Variants in ANKRD11 observed in about 807,000 individuals in gnomAD.
ANKRD11 encodes the protein ankyrin repeat domain 11, also known as ankyrin repeat domain-containing protein 11.
Under a neutral mutation model 195.7 loss-of-function variants are expected in ANKRD11, and 17 were observed. That is an observed-to-expected ratio of 0.09 (90% CI 0.06 to 0.13). ANKRD11 has a LOEUF of 0.13. ANKRD11 is among the 10% of genes least tolerant of loss of function. The pLI, the probability that ANKRD11 is intolerant of heterozygous loss-of-function variation, is 1.00. For missense variants in ANKRD11, 3,735 were observed against 3,566.1 expected (o/e 1.05, Z -1.21); for synonymous variants, 1,953 against 1,528.1 (o/e 1.28, Z -6.49).
intron 2 of ANKRD11, among the ~76,000 whole-genome samples, chr16:89,352,652 T>C (rs1187350751): frequency 1.3e-5 from 2 of 152,306 alleles, no homozygotes; most frequent in Non-Finnish European, 1.5e-5. Context: ...GCTCCACTCA[T>C]CAGCACCAAA....
chr16:89,273,695 CA>C (rs370480077), intron 11 of ANKRD11, among the ~76,000 whole-genome samples: 7,259 of 133,224 alleles, frequency 0.054, 570 homozygotes, highest in African/African-American at 0.18. Flanking sequence ...GACTCCGTCA[CA>C]AAAAAAAAAA....
chr16:89,474,838 C>G (rs2057204234), intron 1 of ANKRD11, among the ~76,000 whole-genome samples: 1 of 152,214 alleles, frequency 6.6e-6, no homozygotes, highest in Admixed American at 6.5e-5. Context: ...CATAACATCC[C>G]AAAACTTACA....
At chr16:89,384,874 G>GTTTTTTTT (rs1257714722) in intron 2 of ANKRD11, among the ~76,000 whole-genome samples, 8 of 72,758 alleles carry the variant, frequency 1.1e-4, no homozygotes, top group African/African-American at 4.5e-4. Context: ...ATGAGAAATA[G>GTTTTTTTT]TTTTCTTTTT....
At chr16:89,273,729 G>A (rs1169016000) in intron 11 of ANKRD11, among the ~76,000 whole-genome samples, 1 of 152,062 alleles carries the variant, frequency 6.6e-6, no homozygotes, top group East Asian at 1.9e-4. Flanking sequence ...TTGTCATTGT[G>A]TATATGAGAG....
chr16:89,297,303 G>A (rs2035503216), intron 4 of ANKRD11, among the ~76,000 whole-genome samples: 1 of 152,184 alleles, frequency 6.6e-6, no homozygotes, highest in Admixed American at 6.5e-5. Context: ...ATACATTCTT[G>A]ATTCTGCTCC....
At chr16:89,378,538 G>A (rs1347268133) in intron 2 of ANKRD11, among the ~76,000 whole-genome samples, 3 of 152,152 alleles carry the variant, frequency 2.0e-5, no homozygotes, top group African/African-American at 7.2e-5. Context: ...CTAAATGTAC[G>A]TGCTATAAGG....
At chr16:89,464,963 C>A (rs1438156212) in intron 1 of ANKRD11, among the ~76,000 whole-genome samples, 1 of 152,148 alleles carries the variant, frequency 6.6e-6, no homozygotes, top group Non-Finnish European at 1.5e-5. Flanking sequence ...GGCCCAATGT[C>A]TTTTTTAGAC....
chr16:89,345,749 C>G (rs2038909883), intron 2 of ANKRD11, among the ~76,000 whole-genome samples: 3 of 152,138 alleles, frequency 2.0e-5, no homozygotes, highest in African/African-American at 7.2e-5. Flanking sequence ...AAATACACAC[C>G]AGGTGCATGC....
Position 89,279,759 on chromosome 16 carries a change from T to G in ANKRD11, c.6783A>C (p.Glu2261Asp), listed in dbSNP as rs762034600. The G allele has an allele frequency of 6.6e-7, 1 of 1,523,640 alleles. No individual in the cohort carries two copies. Among genetic ancestry groups the G allele is most frequent in the Non-Finnish European group, 8.8e-7 (1 of 1,138,664 alleles). 94.4% of individuals were successfully genotyped at this position (1,523,640 alleles called of 1,614,324 possible). Residue 2261 changes from glutamate (E) to aspartate (D), a missense_variant, in exon 9 of 13, where the codon GAA becomes GAC. Physicochemically the swap from Glu to Asp is conservative, Grantham distance 45 (BLOSUM62 2). Coordinates refer to ENST00000301030, the MANE Select transcript of ANKRD11 (RefSeq NM_013275.6). The surrounding 1 kb of genome is among the most constrained non-coding windows in gnomAD (Gnocchi z 5.6). ...LGSGDQGAEA[E>D]GPPAASLCAP... ...CACAGAGGGACGCGGCGGGGGGGCCTTCAGCCTCAGCCCCCTGGTCTCCGC... is the reference window on the plus strand; with the variant it reads ...CACAGAGGGACGCGGCGGGGGGGCCGTCAGCCTCAGCCCCCTGGTCTCCGC...
intron 1 of ANKRD11, among the ~76,000 whole-genome samples, chr16:89,442,234 T>C (rs2043543979): frequency 6.6e-6 from 1 of 152,220 alleles, no homozygotes; most frequent in Non-Finnish European, 1.5e-5. Context: ...TTGGAGAACA[T>C]GCCAGGTCAT....
chr16:89,275,916 C>T (rs1033073791), intron 9 of ANKRD11, among the ~76,000 whole-genome samples: 4 of 152,172 alleles, frequency 2.6e-5, no homozygotes, highest in African/African-American at 4.8e-5. Context: ...GGCTGAGCCC[C>T]GCAGTGCAGC....
intron 1 of ANKRD11, 100 bp from the exon 2 acceptor site, chr16:89,418,468 C>T (rs2042388220): frequency 2.9e-6 from 1 of 349,972 alleles, no homozygotes; most frequent in Non-Finnish European, 5.8e-6. Flanking sequence ...CGGTTTATTC[C>T]ATCGCCCTTC....
intron 2 of ANKRD11, among the ~76,000 whole-genome samples, chr16:89,408,459 C>T (rs530904004): frequency 2.8e-4 from 43 of 152,352 alleles, no homozygotes; most frequent in Admixed American, 1.3e-3. Context: ...TCACCCTGAC[C>T]CTGAGCGTGG....
At chr16:89,273,087 A>G (rs1016700499) in intron 11 of ANKRD11, 2 of 151,062 alleles carry the variant, frequency 1.3e-5, no homozygotes, top group Admixed American at 6.6e-5. Context: ...CCTACTATCT[A>G]TCTGACAGCA....
At chr16:89,456,666 T>G (rs1222736083) in intron 1 of ANKRD11, among the ~76,000 whole-genome samples, 13 of 151,544 alleles carry the variant, frequency 8.6e-5, no homozygotes, top group Non-Finnish European at 1.9e-4. Flanking sequence ...TTCCAAGACA[T>G]ACAACATAGA....
intron 2 of ANKRD11, among the ~76,000 whole-genome samples, chr16:89,355,150 C>T (rs781725418): frequency 1.3e-5 from 2 of 152,182 alleles, no homozygotes; most frequent in African/African-American, 2.4e-5. Context: ...GAGCCTCAAC[C>T]CAGTTGCTCC....
chr16:89,338,274 C>T (rs1447980777), intron 2 of ANKRD11, among the ~76,000 whole-genome samples: 1 of 152,086 alleles, frequency 6.6e-6, no homozygotes, highest in Non-Finnish European at 1.5e-5. Flanking sequence ...CTGTGTCCTC[C>T]AGGATGTGGG....
Position 89,267,796 on chromosome 16 carries a change from T to G in ANKRD11, c.*682A>C, listed in dbSNP as rs1011386930. On this transcript the variant is annotated 3_prime_UTR_variant, in exon 13 of 13. Transcript: ENST00000301030. The stretch of plus-strand genomic sequence containing the variant: ...GTACAGCGTTTACGGATACACTTTT[T>G]ATATGATTATTGGCTCTGTAGTGTT... 3.3e-5 allele frequency: 5 copies of G among 151,978 alleles called. No homozygotes were observed. The East Asian group carries it at 5.9e-4, about 18-fold the overall frequency. 9.4% of individuals were successfully genotyped at this position (151,978 alleles called of 1,614,324 possible).
At chr16:89,294,826 A>C (rs2151816193) in intron 4 of ANKRD11, among the ~76,000 whole-genome samples, 1 of 152,276 alleles carries the variant, frequency 6.6e-6, no homozygotes, top group African/African-American at 2.4e-5. Flanking sequence ...TGTGCCCCTG[A>C]GAAACGCTCC....
Sources: gnomAD v4.1 joint callset for allele counts (sites outside exome capture counted in the v4.1 genomes callset) on GRCh38, gnomAD v4.1.1 for gene constraint, Gnocchi (gnomAD v3.1) non-coding constraint, MANE v1.5 for transcripts, NCBI Gene and HGNC (gene_info 2026-07-23, HGNC 2026-07-21) for gene names.